Variants in BAZ2B observed in about 807,000 individuals in gnomAD.
BAZ2B encodes bromodomain adjacent to zinc finger domain 2B.
In BAZ2B, 91 loss-of-function variants were observed where a neutral mutation model predicts 246.0. The ratio of observed to expected loss-of-function variants is 0.37; its 90% CI spans 0.31 to 0.44. BAZ2B has a LOEUF of 0.44. Ranked by LOEUF, BAZ2B falls within the 20% of genes least tolerant of loss-of-function variation. The probability of loss-of-function intolerance (pLI) is 1.00; values close to 1 mark genes in which losing one functional copy is unlikely to be tolerated. For synonymous variants in BAZ2B, 855 were observed against 860.0 expected (o/e 0.99, Z 0.10); for missense variants, 2,332 against 2,533.7 (o/e 0.92, Z 1.71).
At chr2:159,504,668 CT>C (rs1481422269) in intron 2 of BAZ2B, among the ~76,000 whole-genome samples, 2 of 152,236 alleles carry the variant, frequency 1.3e-5, no homozygotes, top group East Asian at 3.9e-4. Flanking sequence ...ACATCAATAC[CT>C]TGGGATTAAT....
At chr2:159,394,028 C>A (rs191255902) in intron 20 of BAZ2B, among the ~76,000 whole-genome samples, 3 of 152,224 alleles carry the variant, frequency 2.0e-5, no homozygotes, top group Non-Finnish European at 2.9e-5. Flanking sequence ...TCTAATGAAG[C>A]CTAGTATGCC....
intron 1 of BAZ2B, among the ~76,000 whole-genome samples, chr2:159,591,749 G>A (rs1347199468): frequency 6.6e-6 from 1 of 152,066 alleles, no homozygotes; most frequent in East Asian, 1.9e-4. Context: ...ATCACCAAAT[G>A]TCCAGATTCA....
At chr2:159,397,322 T>C (rs1435263749) in intron 19 of BAZ2B, 23 bp downstream of exon 19, 2 of 1,483,046 alleles carry the variant, frequency 1.3e-6, no homozygotes, top group South Asian at 1.2e-5. Flanking sequence ...ATTCAACAAT[T>C]GTATAACTAT....
At chr2:159,668,666 T>C in the BAZ2B span, among the ~76,000 whole-genome samples, 1 of 152,198 alleles carries the variant, frequency 6.6e-6, no homozygotes, top group Non-Finnish European at 1.5e-5. Context: ...ATTTCTGTTC[T>C]TATCTTTATT....
chr2:159,428,244 C>G (rs557226960), intron 12 of BAZ2B, 67 bp downstream of exon 12: 1 of 1,347,664 alleles, frequency 7.4e-7, no homozygotes, highest in East Asian at 2.3e-5. Flanking sequence ...AAGGAGTACA[C>G]TTTTTTTTTG....
chr2:159,711,372 T>C, the BAZ2B span, among the ~76,000 whole-genome samples: 12 of 152,248 alleles, frequency 7.9e-5, no homozygotes, highest in African/African-American at 2.7e-4. Context: ...AAATTTATAG[T>C]ATTTTAGAAT....
chr2:159,590,042 C>G (rs1435405319), intron 1 of BAZ2B, among the ~76,000 whole-genome samples: 1 of 151,594 alleles, frequency 6.6e-6, no homozygotes, highest in East Asian at 1.9e-4. Flanking sequence ...CAAAAATTAG[C>G]CAGCCATGCT....
chr2:159,668,769 A>G, the BAZ2B span, among the ~76,000 whole-genome samples: 1 of 152,068 alleles, frequency 6.6e-6, no homozygotes, highest in Non-Finnish European at 1.5e-5. Context: ...TTTGTTTTCT[A>G]ATTTAAGAAA....
intron 3 of BAZ2B, among the ~76,000 whole-genome samples, chr2:159,471,045 G>A (rs2077720279): frequency 6.6e-6 from 1 of 152,064 alleles, no homozygotes; most frequent in East Asian, 1.9e-4. Context: ...ACTTAAGAAG[G>A]AGTTGTATAA....
At chr2:159,613,772 C>T (rs1387477741) in intron 1 of BAZ2B, among the ~76,000 whole-genome samples, 1 of 152,110 alleles carries the variant, frequency 6.6e-6, no homozygotes, top group Non-Finnish European at 1.5e-5. Context: ...GTTCTATGTG[C>T]TTTTAACTAT....
the BAZ2B span, among the ~76,000 whole-genome samples, chr2:159,696,878 C>T: frequency 1.3e-5 from 2 of 152,130 alleles, no homozygotes; most frequent in African/African-American, 4.8e-5. Flanking sequence ...CTCCACCTCC[C>T]GGGTTCAAGT....
At chr2:159,482,481 T>C (rs1249762668) in intron 2 of BAZ2B, among the ~76,000 whole-genome samples, 1 of 152,194 alleles carries the variant, frequency 6.6e-6, no homozygotes, top group East Asian at 1.9e-4. Flanking sequence ...TGAGCATCTA[T>C]GTATATAATT....
intron 2 of BAZ2B, among the ~76,000 whole-genome samples, chr2:159,500,672 G>A (rs1382999815): frequency 6.6e-6 from 1 of 152,182 alleles, no homozygotes; most frequent in Non-Finnish European, 1.5e-5. Context: ...ACAGCTGGGA[G>A]GCCAGGTGCG....
intron 2 of BAZ2B, among the ~76,000 whole-genome samples, chr2:159,548,557 T>A (rs1228675876): frequency 6.6e-6 from 1 of 152,222 alleles, no homozygotes; most frequent in Non-Finnish European, 1.5e-5. Context: ...ACCTAGCATC[T>A]TAAAAAATCA....
At chr2:159,371,559 T>A (rs2060851940) in intron 27 of BAZ2B, among the ~76,000 whole-genome samples, 1 of 152,206 alleles carries the variant, frequency 6.6e-6, no homozygotes, top group African/African-American at 2.4e-5. Context: ...CTTTCTGTCT[T>A]CCTTTTATCC....
intron 13 of BAZ2B, among the ~76,000 whole-genome samples, chr2:159,424,219 A>T (rs1328894400): frequency 6.6e-6 from 1 of 152,186 alleles, no homozygotes; most frequent in Non-Finnish European, 1.5e-5. Context: ...TAAAGATTTT[A>T]TCTTTTCTGA....
At chr2:159,476,373 T>C (rs889608660) in intron 3 of BAZ2B, among the ~76,000 whole-genome samples, 5 of 152,212 alleles carry the variant, frequency 3.3e-5, no homozygotes, top group Non-Finnish European at 7.4e-5. Context: ...TCATTCAATG[T>C]AAGCATCTCA....
the BAZ2B span, among the ~76,000 whole-genome samples, chr2:159,690,458 GT>G: frequency 4.1e-3 from 622 of 152,120 alleles, 3 homozygotes; most frequent in Non-Finnish European, 6.7e-3. Context: ...CTTCCTCATT[GT>G]TATTTAATTG....
the BAZ2B span, among the ~76,000 whole-genome samples, chr2:159,706,936 T>C: frequency 2.6e-5 from 4 of 152,180 alleles, no homozygotes; most frequent in Non-Finnish European, 4.4e-5. Flanking sequence ...TGAAGTTTCC[T>C]AGAAAAGAAA....
Sources: gnomAD v4.1 joint callset for allele counts (sites outside exome capture counted in the v4.1 genomes callset) on GRCh38, gnomAD v4.1.1 for gene constraint, MANE v1.5 for transcripts, NCBI Gene and HGNC (gene_info 2026-07-23, HGNC 2026-07-21) for gene names.